Variants in GABBR1 observed in about 807,000 individuals in gnomAD.
GABBR1 encodes GABA-B receptor, R1 subunit.
In GABBR1, 35 loss-of-function variants were observed where a neutral mutation model predicts 117.7. That is an observed-to-expected ratio of 0.30 (90% CI 0.23 to 0.39). The LOEUF (loss-of-function observed/expected upper bound fraction) is 0.39. Ranked by LOEUF, GABBR1 falls within the 10% of genes least tolerant of loss-of-function variation. GABBR1 has a pLI of 1.00. For missense variants in GABBR1, 709 were observed against 1,241.8 expected, an observed-to-expected ratio of 0.57 and a Z score of 6.45; for synonymous variants, 442 against 486.6, an observed-to-expected ratio of 0.91 and a Z score of 1.21.
chr6:29,613,499 AATC>A lies in GABBR1; in HGVS notation c.1324-17_1324-15del. 1 of 1,610,310 alleles carries A rather than the reference AATC, an allele frequency of 6.2e-7. No homozygotes were observed. Among genetic ancestry groups the A allele is most frequent in the Non-Finnish European group, 8.5e-7 (1 of 1,178,034 alleles). On this transcript the variant is annotated splice_polypyrimidine_tract_variant and intron_variant, in intron 11 of 22. Coordinates refer to ENST00000377034, the MANE Select transcript of GABBR1 (RefSeq NM_001470.4). The surrounding 1 kb of genome is among the most constrained non-coding windows in gnomAD (Gnocchi z 4.1). ...TTCCTGGGATGTCTTGGGAGGAAAA[AATC>A]ATGAGGAAAGAACTGAAATGTGTGT...
Position 29,606,859 on chromosome 6 carries a change from T to C in GABBR1, c.2217+38A>G, listed in dbSNP as rs146904809. 3.4e-4 allele frequency: 529 copies of C among 1,567,978 alleles called. No homozygotes were observed. In the African/African-American group the frequency reaches 5.5e-3, roughly 16 times the overall value. On this transcript the variant is annotated intron_variant, in intron 18 of 22. Transcript: ENST00000377034. This position sits in a 1 kb window ranked among gnomAD's most constrained non-coding sequence, Gnocchi z 4.5. ...GGCCCTGATGGCCACTGAGCCCTGC[T>C]CATTCTCCTGACCATAGCACCTCCT...
chr6:29,608,564 T>G, intron 16 of GABBR1, 37 bp downstream of exon 16: 1 of 1,601,164 alleles, frequency 6.2e-7, no homozygotes, highest in East Asian at 2.2e-5. Context: ...GGTGGGAGAG[T>G]CACATCCTGT....
intron 11 of GABBR1, among the ~76,000 whole-genome samples, chr6:29,614,333 G>C (rs149333835): frequency 1.3e-5 from 2 of 152,328 alleles, no homozygotes; most frequent in African/African-American, 4.8e-5. Context: ...GAAAAGCTTA[G>C]CAACTACTTC....
At chr6:29,614,045 T>G (rs1762822528) in intron 11 of GABBR1, among the ~76,000 whole-genome samples, 1 of 152,204 alleles carries the variant, frequency 6.6e-6, no homozygotes. Context: ...TTCAGAAGAA[T>G]GAAAACTACA....
At position 29,623,912 on chromosome 6, in the gene GABBR1, G is replaced by A. The variant is rs1266571940; in HGVS notation, c.770C>T (p.Ala257Val). The A allele has an allele frequency of 6.2e-7, 1 of 1,612,798 alleles. No individual in the cohort carries two copies. The highest frequency in any genetic ancestry group is 8.5e-7 in the Non-Finnish European group (1 of 1,179,956). ...SSVSTLVAEAARMWNLIVLSY... is the reference protein window; with the variant it reads ...SSVSTLVAEAVRMWNLIVLSY... Reference sequence around the variant, plus strand: ...TACCACAATGAGGTTCCACATCCTAGCAGCCTCAGCCACCAGCGTGGAGAC... The same window carrying A: ...TACCACAATGAGGTTCCACATCCTAACAGCCTCAGCCACCAGCGTGGAGAC... Residue 257 changes from alanine (A) to valine (V), a missense_variant, in exon 7 of 23, where the codon GCT becomes GTT. This residue lies in a region of GABBR1 where 192 missense variants were observed against 418.4 expected (regional missense o/e 0.46). Transcript: ENST00000377034. The surrounding 1 kb of genome is among the most constrained non-coding windows in gnomAD (Gnocchi z 6.2).
At chr6:29,603,895 A>G (rs1761673532) in intron 22 of GABBR1, among the ~76,000 whole-genome samples, 179 bp from the exon 23 acceptor site, 1 of 152,104 alleles carries the variant, frequency 6.6e-6, no homozygotes, top group East Asian at 1.9e-4. Flanking sequence ...GAACAAGAAA[A>G]GCCAGAGAAC....
rs1348936441 is a variant in GABBR1 at position 29,623,335 on chromosome 6, G to A, written c.933C>T (p.Thr311=). The change falls in exon 8 of 23, where the codon ACC becomes ACT. Residue 311 remains threonine, a synonymous_variant. Coordinates refer to ENST00000377034, the MANE Select transcript of GABBR1 (RefSeq NM_001470.4). The surrounding 1 kb of genome is among the most constrained non-coding windows in gnomAD (Gnocchi z 6.2). ...TGAAGACCTCAGTGGTCTGCTGGAT[G>A]GTAGCAATCTTCTTCCAGCCCCACT... ...FEKWGWKKIA[T]IQQTTEVFTS... 1.2e-6 allele frequency: 2 copies of A among 1,614,018 alleles called. No individual in the cohort carries two copies. The highest frequency in any genetic ancestry group is 1.3e-5 in the African/African-American group (1 of 75,008).
At chr6:29,625,533 T>C (rs1764184889) in intron 6 of GABBR1, among the ~76,000 whole-genome samples, 1 of 152,126 alleles carries the variant, frequency 6.6e-6, no homozygotes, top group Non-Finnish European at 1.5e-5. Context: ...TCTCTCCCCC[T>C]CCCCAATAGA....
In GABBR1 at chr6:29,630,743, C is replaced by A. The variant is rs1583025641; in HGVS notation, c.290-100G>T. 1.1e-6 allele frequency: 1 copy of A among 927,736 alleles called. No individual in the cohort carries two copies. 57.5% of individuals were successfully genotyped at this position (927,736 alleles called of 1,614,324 possible). ...GGTGCAGGTTTGGGTCCACAAGCAT[C>A]CTGCTCTAAAGAAAATCACATGTGA... On this transcript the variant is annotated intron_variant, in intron 3 of 22. Transcript: ENST00000377034. This position sits in a 1 kb window ranked among gnomAD's most constrained non-coding sequence, Gnocchi z 4.9.
rs1761693301 is a variant in GABBR1, at chr6:29,604,065, C to T, written c.2713-349G>A. On this transcript the variant is annotated intron_variant, in intron 22 of 22. Coordinates refer to ENST00000377034, the MANE Select transcript of GABBR1 (RefSeq NM_001470.4). The surrounding 1 kb of genome is among the most constrained non-coding windows in gnomAD (Gnocchi z 5.3). The stretch of plus-strand genomic sequence containing the variant: ...GAACATCCCTCTCTTTGGCATTGCA[C>T]CAGCCCCTAATGACAGCCTGGGGCA... 6.6e-6 allele frequency among the ~76,000 whole-genome samples: 1 copy of T among 152,100 alleles called. No homozygotes were observed. The highest frequency in any genetic ancestry group is 6.5e-5 in the Admixed American group (1 of 15,284).
chr6:29,630,170 G>C lies in GABBR1; in HGVS notation c.475+288C>G, dbSNP rs113365955. Reference sequence around the variant, plus strand: ...ATTTAAACCTGAAGAAGGTGAGAGAGGTGAGATTCATAAAGGAAAAGAGAA... The same window carrying C: ...ATTTAAACCTGAAGAAGGTGAGAGACGTGAGATTCATAAAGGAAAAGAGAA... On this transcript the variant is annotated intron_variant, in intron 4 of 22. Transcript: ENST00000377034. The surrounding 1 kb of genome is among the most constrained non-coding windows in gnomAD (Gnocchi z 4.9). 8.1e-5 allele frequency: 32 copies of C among 393,474 alleles called. No homozygotes were observed. Among genetic ancestry groups the C allele is most frequent in the Non-Finnish European group, 1.4e-4 (31 of 220,022 alleles). 24.4% of individuals were successfully genotyped at this position (393,474 alleles called of 1,614,324 possible).
At chr6:29,625,656 C>T (rs1012639667) in intron 6 of GABBR1, among the ~76,000 whole-genome samples, 1 of 152,192 alleles carries the variant, frequency 6.6e-6, no homozygotes, top group East Asian at 1.9e-4. Flanking sequence ...CATCCCACCC[C>T]GCTTGATGCC....
Position 29,605,086 on chromosome 6 carries a change from C to T in GABBR1, c.2440-98G>A. ...GGAGGGAGTCTATGCAGACAGTTTC[C>T]TGGTGAACTTTCCCTTTGAAAAGGA... On this transcript the variant is annotated intron_variant, in intron 20 of 22. Coordinates refer to ENST00000377034, the MANE Select transcript of GABBR1 (RefSeq NM_001470.4). This position sits in a 1 kb window ranked among gnomAD's most constrained non-coding sequence, Gnocchi z 4.2. 1 of 1,269,874 alleles carries T rather than the reference C, an allele frequency of 7.9e-7. No homozygotes were observed. 78.7% of individuals were successfully genotyped at this position (1,269,874 alleles called of 1,614,324 possible). A position where few individuals can be genotyped will look rare whatever the true frequency, so the allele number is the denominator to read the frequency against.
At position 29,609,072 on chromosome 6, in the gene GABBR1, A is replaced by G. The variant is rs1315696365; in HGVS notation, c.1859+157T>C. On this transcript the variant is annotated intron_variant, in intron 15 of 22. Transcript: ENST00000377034. This position sits in a 1 kb window ranked among gnomAD's most constrained non-coding sequence, Gnocchi z 4.3. ...CTACTTTGGAGTAGGAGTGGGGGTT[A>G]TATCTGGTTTCCCTGTTTTCATTCT... Among the ~76,000 whole-genome samples, 2 of 151,978 alleles carry G rather than the reference A, an allele frequency of 1.3e-5. No homozygotes were observed. Among genetic ancestry groups the G allele is most frequent in the African/African-American group, 4.8e-5 (2 of 41,346 alleles).
chr6:29,626,293 T>A (rs563986780), intron 6 of GABBR1, among the ~76,000 whole-genome samples: 1 of 152,174 alleles, frequency 6.6e-6, no homozygotes, highest in East Asian at 1.9e-4. Flanking sequence ...ATAGTGATGT[T>A]CTAAAAATGA....
chr6:29,613,281 A>G lies in GABBR1; in HGVS notation c.1528T>C (p.Tyr510His). Reference sequence around the variant, plus strand: ...AAGGACGAAGAGTTCATTGCCCGGTAGATTTGGTCGGTAATGGTCTGGTTG... The same window carrying G: ...AAGGACGAAGAGTTCATTGCCCGGTGGATTTGGTCGGTAATGGTCTGGTTG... Reference protein sequence around the residue: ...YNNQTITDQIYRAMNSSSFEG... With the variant: ...YNNQTITDQIHRAMNSSSFEG... Residue 510 changes from tyrosine to histidine, a missense_variant, in exon 12 of 23, where the codon TAC (tyrosine) becomes CAC (histidine). This residue lies in a region of GABBR1 where 38 missense variants were observed against 47.7 expected (regional missense o/e 0.80). Coordinates refer to ENST00000377034, the MANE Select transcript of GABBR1 (RefSeq NM_001470.4). The surrounding 1 kb of genome is among the most constrained non-coding windows in gnomAD (Gnocchi z 4.1). 1 of 1,612,986 alleles carries G rather than the reference A, an allele frequency of 6.2e-7. No homozygotes were observed.
intron 11 of GABBR1, among the ~76,000 whole-genome samples, chr6:29,615,599 A>C (rs528967741): frequency 1.5e-5 from 2 of 131,850 alleles, no homozygotes; most frequent in Admixed American, 8.1e-5. Context: ...ATGGAGTGAG[A>C]CTCTGCCTTT....
At position 29,616,802 on chromosome 6, in the gene GABBR1, G is replaced by A. The variant is rs557969361; in HGVS notation, c.1324-3317C>T. 3.4e-5 allele frequency among the ~76,000 whole-genome samples: 5 copies of A among 145,548 alleles called. No homozygotes were observed. The South Asian group carries it at 1.1e-3, about 32-fold the overall frequency. ...CCAGGAGGTCAAGGCTGCAGCGATT[G>A]TACCACTGCACTCCTGCCTGGGCAG... On this transcript the variant is annotated intron_variant, in intron 11 of 22. Coordinates refer to ENST00000377034, the MANE Select transcript of GABBR1 (RefSeq NM_001470.4).
In GABBR1 at chr6:29,631,437, G is replaced by C. The variant is rs368529966; in HGVS notation, c.248C>G (p.Ala83Gly). 9.4e-5 allele frequency: 152 copies of C among 1,614,024 alleles called. 1 individual carries two copies. Among genetic ancestry groups the C allele is most frequent in the South Asian group, 2.9e-4 (26 of 91,082 alleles). Residue 83 changes from alanine to glycine, a missense_variant, in exon 3 of 23, where the codon GCC (alanine) becomes GGC (glycine). This residue lies in a region of GABBR1 where 101 missense variants were observed against 132.3 expected (regional missense o/e 0.76). Transcript: ENST00000377034. This position sits in a 1 kb window ranked among gnomAD's most constrained non-coding sequence, Gnocchi z 5.9. The part of the protein sequence containing the change: ...VVGPKVRKCL[A>G]NGSWTDMDTP... ...GTCCATATCTGTCCAGGAGCCGTTG[G>C]CCAGGCACTTGCGGACCTTGGGCCC...
Sources: gnomAD v4.1 joint callset for allele counts (sites outside exome capture counted in the v4.1 genomes callset) on GRCh38, gnomAD v4.1.1 for gene constraint, gnomAD v4.1.1 regional missense constraint, Gnocchi (gnomAD v3.1) non-coding constraint, MANE v1.5 for transcripts, NCBI Gene and HGNC (gene_info 2026-07-23, HGNC 2026-07-21) for gene names.